Variants in BLVRB observed in about 807,000 individuals in gnomAD.
BLVRB encodes the protein flavin reductase (NADPH).
Under a neutral mutation model 21.1 loss-of-function variants are expected in BLVRB, and 25 were observed. That is an observed-to-expected ratio of 1.19 (90% CI 0.86 to 1.66). The LOEUF (loss-of-function observed/expected upper bound fraction) is 1.66, where lower values mean the gene tolerates loss of function less well. BLVRB is among the 40% of genes most tolerant of loss of function. BLVRB has a pLI of 0.00. For missense variants in BLVRB, 274 were observed against 282.7 expected (o/e 0.97, Z 0.22); for synonymous variants, 128 against 122.2 (o/e 1.05, Z -0.31).
At chr19:40,450,842 G>GTATGTATC (rs374995343) in intron 4 of BLVRB, among the ~76,000 whole-genome samples, 2 of 144,630 alleles carry the variant, frequency 1.4e-5, no homozygotes, top group East Asian at 2.0e-4. Context: ...CCTGGCCTAT[G>GTATGTATC]TATCTATCTA....
In BLVRB at chr19:40,447,934, A is replaced by G. The variant is rs2079721276; in HGVS notation, c.576T>C (p.Asp192=). The change falls in exon 5 of 5, where the codon GAT becomes GAC. Residue 192 remains aspartate, a synonymous_variant. Coordinates refer to ENST00000263368, the MANE Select transcript of BLVRB (RefSeq NM_000713.3). ...GHFMLRCLTT[D]EYDGHSTYPS... ...GGTAGGTGCTGTGTCCGTCGTACTCATCGGTGGTGAGGCAGCGCAGCATGA... is the reference window on the plus strand; with the variant it reads ...GGTAGGTGCTGTGTCCGTCGTACTCGTCGGTGGTGAGGCAGCGCAGCATGA... 1.2e-6 allele frequency: 2 copies of G among 1,613,904 alleles called. No individual in the cohort carries two copies. The highest frequency in any genetic ancestry group is 1.7e-5 in the Admixed American group (1 of 59,974).
intron 3 of BLVRB, among the ~76,000 whole-genome samples, chr19:40,453,139 G>A (rs1254014524): frequency 2.0e-5 from 3 of 152,152 alleles, no homozygotes; most frequent in East Asian, 1.9e-4. Context: ...TTGAACTCCC[G>A]GGCTTAAGCG....
At chr19:40,448,349 G>C (rs1354796010) in intron 4 of BLVRB, among the ~76,000 whole-genome samples, 1 of 151,696 alleles carries the variant, frequency 6.6e-6, no homozygotes, top group Non-Finnish European at 1.5e-5. Flanking sequence ...CTGGCACTTT[G>C]GGAGGCTGAG....
chr19:40,452,820 G>A (rs748487316), intron 3 of BLVRB, among the ~76,000 whole-genome samples: 1 of 151,728 alleles, frequency 6.6e-6, no homozygotes, highest in African/African-American at 2.4e-5. Context: ...AGCTGAGATC[G>A]CGCCACGGCA....
At position 40,447,866 on chromosome 19, in the gene BLVRB, C is replaced by T. The variant is rs778801788; in HGVS notation, c.*23G>A. The T allele has an allele frequency of 5.0e-6, 8 of 1,597,128 alleles. No homozygotes were observed. In the South Asian group the frequency reaches 8.8e-5, roughly 18 times the overall value. ...TTGCTCCTCATGTCCCAGAATGCCA[C>T]CCTCCCAGATGGGGACAGAGTGCTA... is the stretch of plus-strand genomic sequence containing the variant. On this transcript the variant is annotated 3_prime_UTR_variant, in exon 5 of 5. Transcript: ENST00000263368.
At chr19:40,458,277 GGGCGGCGGC>G (rs751269661) in intron 2 of BLVRB, 33 bp from the exon 3 acceptor site, 3 of 1,576,972 alleles carry the variant, frequency 1.9e-6, no homozygotes, top group South Asian at 1.1e-5. Flanking sequence ...TGTCACTGGT[GGGCGGCGGC>G]GGCGGCAGGG....
intron 4 of BLVRB, among the ~76,000 whole-genome samples, chr19:40,450,715 T>C (rs2079735698): frequency 6.6e-6 from 1 of 151,400 alleles, no homozygotes; most frequent in African/African-American, 2.4e-5. Flanking sequence ...GCTAATTTTT[T>C]TTTTTTTTTG....
intron 3 of BLVRB, 41 bp from the exon 4 acceptor site, chr19:40,451,533 T>TA: frequency 7.1e-7 from 1 of 1,412,046 alleles, no homozygotes; most frequent in Non-Finnish European, 9.2e-7. Flanking sequence ...GGCTCTCTTG[T>TA]CTTTTTTTTT....
intron 4 of BLVRB, among the ~76,000 whole-genome samples, chr19:40,448,279 G>A (rs2145775416): frequency 6.6e-6 from 1 of 152,156 alleles, no homozygotes; most frequent in African/African-American, 2.4e-5. Flanking sequence ...ACCCAAGCAA[G>A]GGACAAAGCA....
chr19:40,451,633 A>G (rs1025546783), intron 3 of BLVRB, 141 bp from the exon 4 acceptor site: 4 of 1,206,560 alleles, frequency 3.3e-6, no homozygotes, highest in Non-Finnish European at 3.3e-6. Context: ...CCCGGGTTCA[A>G]GCAATTCTCC....
chr19:40,453,765 G>A (rs1294501856), intron 3 of BLVRB, among the ~76,000 whole-genome samples: 1 of 152,158 alleles, frequency 6.6e-6, no homozygotes, highest in Non-Finnish European at 1.5e-5. Flanking sequence ...GCTGAGGTAG[G>A]AGGATCAGTT....
intron 3 of BLVRB, 40 bp from the exon 4 acceptor site, chr19:40,451,532 G>GT (rs779892071): frequency 3.6e-6 from 5 of 1,405,782 alleles, no homozygotes; most frequent in Admixed American, 3.0e-5. Context: ...GGGCTCTCTT[G>GT]TCTTTTTTTT....
chr19:40,448,496 C>G (rs1271663097), intron 4 of BLVRB, among the ~76,000 whole-genome samples: 1 of 151,638 alleles, frequency 6.6e-6, no homozygotes, highest in Non-Finnish European at 1.5e-5. Context: ...GAGGCTGAGG[C>G]TGGAGAATTG....
Position 40,447,967 on chromosome 19 carries a change from C to T in BLVRB, c.543G>A (p.Leu181=), listed in dbSNP as rs1369785007. The T allele has an allele frequency of 6.2e-7, 1 of 1,614,106 alleles. No homozygotes were observed. The highest frequency in any genetic ancestry group is 8.5e-7 in the Non-Finnish European group (1 of 1,180,024). The change falls in exon 5 of 5, where the codon CTG becomes CTA. Residue 181 remains leucine, a synonymous_variant. Coordinates refer to ENST00000263368, the MANE Select transcript of BLVRB (RefSeq NM_000713.3). ...GPSRVISKHD[L]GHFMLRCLTT... The stretch of plus-strand genomic sequence containing the variant: ...TGAGGCAGCGCAGCATGAAATGGCC[C>T]AGGTCATGTTTGGAGATGACCCTTG...
intron 1 of BLVRB, among the ~76,000 whole-genome samples, chr19:40,463,572 T>TTCCC (rs891631391): frequency 2.6e-5 from 3 of 117,212 alleles, no homozygotes; most frequent in Middle Eastern, 4.6e-3. Flanking sequence ...CCTTCTTTCC[T>TTCCC]TCCCTCCCTC....
chr19:40,460,245 A>AATATATATATATATATATATAT (rs1223233988), intron 1 of BLVRB, among the ~76,000 whole-genome samples: 654 of 53,316 alleles, frequency 0.012, 17 homozygotes, highest in African/African-American at 0.024. Context: ...CTGTAATAGC[A>AATATATATATATATATATATAT]ACATATATAT....
At chr19:40,463,532 T>G (rs1416294754) in intron 1 of BLVRB, among the ~76,000 whole-genome samples, 1 of 74,700 alleles carries the variant, frequency 1.3e-5, no homozygotes, top group Non-Finnish European at 2.7e-5. Context: ...CCCTTCTCCC[T>G]CCCTCCCTCC....
At chr19:40,448,667 T>G (rs1468920420) in intron 4 of BLVRB, among the ~76,000 whole-genome samples, 1 of 149,732 alleles carries the variant, frequency 6.7e-6, no homozygotes, top group East Asian at 2.0e-4. Flanking sequence ...TATATATCTG[T>G]CTATCTGACA....
intron 4 of BLVRB, among the ~76,000 whole-genome samples, chr19:40,448,969 C>G (rs1212093837): frequency 6.6e-6 from 1 of 152,010 alleles, no homozygotes. Flanking sequence ...TGCCTGTAGT[C>G]CCAGCTACTT....
Sources: gnomAD v4.1 joint callset for allele counts (sites outside exome capture counted in the v4.1 genomes callset) on GRCh38, gnomAD v4.1.1 for gene constraint, MANE v1.5 for transcripts, NCBI Gene and HGNC (gene_info 2026-07-23, HGNC 2026-07-21) for gene names.